The following BCAT1 variants were observed in gnomAD, a reference collection of about 807,000 sequenced individuals.
BCAT1 encodes the protein branched chain amino acid transaminase 1.
BCAT1 carries 48 observed loss-of-function variants against 52.4 expected under a neutral mutation model. The ratio of observed to expected loss-of-function variants is 0.92; its 90% CI spans 0.73 to 1.16. The LOEUF (loss-of-function observed/expected upper bound fraction) is 1.16, where lower values mean the gene tolerates loss of function less well. Among genes scored for constraint, BCAT1 ranks in the 50% most tolerant of loss-of-function variants. The probability of loss-of-function intolerance (pLI) is 0.00; values close to 1 mark genes in which losing one functional copy is unlikely to be tolerated. For missense variants in BCAT1, 451 were observed against 457.1 expected (o/e 0.99, Z 0.12); for synonymous variants, 167 against 161.3 (o/e 1.04, Z -0.27).
chr12:24,899,329 T>A (rs759263668), intron 2 of BCAT1, among the ~76,000 whole-genome samples: 2 of 152,088 alleles, frequency 1.3e-5, no homozygotes, highest in Non-Finnish European at 2.9e-5. Flanking sequence ...TAGAGAAATA[T>A]GTCAAAAGCA....
intron 1 of BCAT1, among the ~76,000 whole-genome samples, chr12:24,922,871 C>CA (rs112388852): frequency 0.01 from 1,103 of 107,144 alleles, 7 homozygotes; most frequent in African/African-American, 0.028. Context: ...CTCTGTCTCT[C>CA]AAAAAAAAAA....
intron 1 of BCAT1, chr12:24,903,975 G>A (rs1404860255): frequency 1.3e-5 from 2 of 152,160 alleles, no homozygotes; most frequent in South Asian, 2.1e-4. Flanking sequence ...GGTTAAATCC[G>A]GTTTGGTTTT....
intron 1 of BCAT1, among the ~76,000 whole-genome samples, chr12:24,933,790 T>C (rs1001032981): frequency 1.3e-5 from 2 of 152,016 alleles, no homozygotes; most frequent in African/African-American, 4.8e-5. Context: ...AGAGGGGACT[T>C]CTGAGAGGAA....
chr12:24,940,278 C>T (rs528288786), intron 1 of BCAT1, among the ~76,000 whole-genome samples: 4 of 152,250 alleles, frequency 2.6e-5, no homozygotes, highest in East Asian at 1.9e-4. Flanking sequence ...TATGCAGTTA[C>T]GTTAATATGG....
intron 1 of BCAT1, among the ~76,000 whole-genome samples, chr12:24,936,536 C>T (rs566320912): frequency 6.6e-6 from 1 of 152,272 alleles, no homozygotes; most frequent in South Asian, 2.1e-4. Flanking sequence ...CAAAACTACA[C>T]AAAATTATTA....
chr12:24,887,828 C>G (rs1942728272), intron 3 of BCAT1, among the ~76,000 whole-genome samples: 1 of 152,176 alleles, frequency 6.6e-6, no homozygotes, highest in African/African-American at 2.4e-5. Context: ...CTCTCCTCCA[C>G]TATTTGAAAC....
intron 1 of BCAT1, among the ~76,000 whole-genome samples, chr12:24,942,168 A>G (rs61330006): frequency 0.025 from 3,806 of 152,290 alleles, 123 homozygotes; most frequent in African/African-American, 0.073. Context: ...ATGCAGGGCA[A>G]TGGGAAAGAG....
chr12:24,921,377 A>G (rs1214784120), intron 1 of BCAT1, among the ~76,000 whole-genome samples: 1 of 152,244 alleles, frequency 6.6e-6, no homozygotes, highest in African/African-American at 2.4e-5. Context: ...AGAGCAGCAT[A>G]CAGGAAAACC....
intron 2 of BCAT1, among the ~76,000 whole-genome samples, chr12:24,899,636 G>A (rs1420406148): frequency 2.0e-5 from 3 of 152,056 alleles, no homozygotes; most frequent in African/African-American, 7.2e-5. Context: ...TCACCTAAGT[G>A]TCCATCAATG....
intron 1 of BCAT1, among the ~76,000 whole-genome samples, chr12:24,912,824 T>C (rs1943351463): frequency 6.6e-6 from 1 of 152,216 alleles, no homozygotes; most frequent in African/African-American, 2.4e-5. Flanking sequence ...GATATATACC[T>C]TGTGGCAGCA....
At chr12:24,874,524 G>T (rs897717632) in intron 5 of BCAT1, among the ~76,000 whole-genome samples, 1 of 152,190 alleles carries the variant, frequency 6.6e-6, no homozygotes, top group Non-Finnish European at 1.5e-5. Flanking sequence ...ACTCAACACT[G>T]CCATTAGGAT....
chr12:24,943,678 A>G (rs1225898658), intron 1 of BCAT1, among the ~76,000 whole-genome samples: 1 of 151,960 alleles, frequency 6.6e-6, no homozygotes, highest in African/African-American at 2.4e-5. Context: ...TCCTTAGAAG[A>G]ATGTTTTCAG....
At chr12:24,883,266 C>G (rs1319464704) in intron 3 of BCAT1, among the ~76,000 whole-genome samples, 2 of 152,180 alleles carry the variant, frequency 1.3e-5, no homozygotes, top group African/African-American at 4.8e-5. Context: ...AGCCTGGTGA[C>G]AGAGTAGCAA....
chr12:24,945,824 A>G (rs375498634), intron 1 of BCAT1: 14 of 152,322 alleles, frequency 9.2e-5, no homozygotes, highest in East Asian at 5.8e-4. Context: ...ATTCTGTCAA[A>G]AAAAAGAAAA....
chr12:24,817,788 G>A lies in BCAT1; in HGVS notation c.*220C>T. On this transcript the variant is annotated 3_prime_UTR_variant, in exon 11 of 11. Coordinates refer to ENST00000261192, the MANE Select transcript of BCAT1 (RefSeq NM_005504.7). Reference sequence around the variant, plus strand: ...CTTACATTAATGTTTTTCTAGGTAAGGTAAGGTAAGTTACTACTACCAAGT... The same window carrying A: ...CTTACATTAATGTTTTTCTAGGTAAAGTAAGGTAAGTTACTACTACCAAGT... The A allele has an allele frequency of 3.7e-6, 2 of 542,616 alleles. No individual in the cohort carries two copies. Among genetic ancestry groups the A allele is most frequent in the Non-Finnish European group, 6.6e-6 (2 of 304,270 alleles). The allele number at this position is 542,616 out of a possible 1,614,324, so 33.6% of individuals were successfully genotyped here. A position where few individuals can be genotyped will look rare whatever the true frequency, so the allele number is the denominator to read the frequency against.
Position 24,939,813 on chromosome 12 carries a change from G to A in BCAT1, c.6+9114C>T, listed in dbSNP as rs146724806. Reference sequence around the variant, plus strand: ...CACACCACTTCACTCCAGTCTGGGCGACAGAGCAAGACTCTGTCTCAAAAA... The same window carrying A: ...CACACCACTTCACTCCAGTCTGGGCAACAGAGCAAGACTCTGTCTCAAAAA... On this transcript the variant is annotated intron_variant, in intron 1 of 10. Transcript: ENST00000261192. Among the ~76,000 whole-genome samples, 458 of 152,278 alleles carry A rather than the reference G, an allele frequency of 3.0e-3. 1 individual carries two copies. The highest frequency in any genetic ancestry group is 0.01 in the African/African-American group (433 of 41,560).
chr12:24,907,920 C>G (rs1468118135), intron 1 of BCAT1, among the ~76,000 whole-genome samples: 2 of 152,178 alleles, frequency 1.3e-5, no homozygotes, highest in Non-Finnish European at 2.9e-5. Flanking sequence ...GTTTGGTGGT[C>G]TCTTCACACG....
At chr12:24,855,622 C>G (rs1591811036) in intron 5 of BCAT1, among the ~76,000 whole-genome samples, 1 of 152,078 alleles carries the variant, frequency 6.6e-6, no homozygotes, top group East Asian at 1.9e-4. Flanking sequence ...CTCAAGTGAT[C>G]CACCCTCCTC....
chr12:24,883,680 T>C (rs1475700722), intron 3 of BCAT1, among the ~76,000 whole-genome samples: 1 of 152,186 alleles, frequency 6.6e-6, no homozygotes, highest in African/African-American at 2.4e-5. Flanking sequence ...AAAGCAGCAG[T>C]CCCCAACCTT....
Sources: allele counts gnomAD v4.1 joint callset (sites outside exome capture counted in the v4.1 genomes callset), GRCh38; gene constraint gnomAD v4.1.1; transcripts MANE v1.5; gene names NCBI Gene and HGNC (gene_info 2026-07-23, HGNC 2026-07-21).